The following IQCE variants were observed in gnomAD, a reference collection of about 807,000 sequenced individuals.
IQCE encodes IQ domain-containing protein E.
A neutral mutation model predicts 96.0 loss-of-function variants in IQCE; 115 were observed. The ratio of observed to expected loss-of-function variants is 1.20; its 90% CI spans 1.03 to 1.40. The LOEUF is 1.40. IQCE is among the 40% of genes most tolerant of loss of function. IQCE has a pLI of 0.00. For missense variants in IQCE, 1,041 were observed against 909.1 expected, an observed-to-expected ratio of 1.15 and a Z score of -1.87; for synonymous variants, 412 against 371.2, an observed-to-expected ratio of 1.11 and a Z score of -1.26.
At chr7:2,567,236 G>A (rs552945919) in intron 2 of IQCE, 73 bp downstream of exon 2, 28 of 1,158,676 alleles carry the variant, frequency 2.4e-5, no homozygotes, top group Admixed American at 8.8e-5. Flanking sequence ...ACTCGGAAGC[G>A]TAAAATAGGC....
At chr7:2,594,217 G>T (rs1052905724) in intron 15 of IQCE, among the ~76,000 whole-genome samples, 1 of 152,224 alleles carries the variant, frequency 6.6e-6, no homozygotes, top group South Asian at 2.1e-4. Flanking sequence ...CAGAGAGCAT[G>T]CCACTGTCCT....
At chr7:2,592,409 A>G (rs1783672185) in intron 14 of IQCE, among the ~76,000 whole-genome samples, 1 of 152,146 alleles carries the variant, frequency 6.6e-6, no homozygotes, top group Non-Finnish European at 1.5e-5. Flanking sequence ...GACAAGAGCC[A>G]CCTCTTAGGA....
At chr7:2,607,325 A>G (rs1177515159) in intron 21 of IQCE, 98 bp downstream of exon 21, 2 of 1,538,620 alleles carry the variant, frequency 1.3e-6, no homozygotes, top group African/African-American at 1.4e-5. Context: ...CTGTGTCGGG[A>G]CGGAAGGGAG....
intron 6 of IQCE, among the ~76,000 whole-genome samples, chr7:2,577,383 G>A (rs1185550105): frequency 2.3e-5 from 3 of 127,886 alleles, no homozygotes; most frequent in Non-Finnish European, 5.6e-5. Flanking sequence ...CGGCGTGCGC[G>A]CATTGGCGTG....
intron 3 of IQCE, among the ~76,000 whole-genome samples, chr7:2,571,137 C>A (rs1041441952): frequency 2.6e-5 from 4 of 152,084 alleles, no homozygotes; most frequent in African/African-American, 9.7e-5. Flanking sequence ...CCTGCCTCAG[C>A]CCCCTTGAGT....
intron 6 of IQCE, among the ~76,000 whole-genome samples, chr7:2,576,871 G>C (rs2128442485): frequency 6.6e-6 from 1 of 152,302 alleles, no homozygotes; most frequent in East Asian, 1.9e-4. Flanking sequence ...CGAACAAAAC[G>C]GACTTTCTTG....
chr7:2,605,768 C>T (rs1292610637), intron 19 of IQCE, 108 bp from the exon 20 acceptor site: 2 of 1,199,966 alleles, frequency 1.7e-6, no homozygotes, highest in Middle Eastern at 3.0e-4. Context: ...GAAAAGGAAA[C>T]TGAGCTCTTC....
chr7:2,610,128 C>T lies in IQCE; in HGVS notation c.2054C>T (p.Ala685Val). ...NSDDSDDIVI[A>V]PSLPTKNFPV ...GATGATTCCGACGATATTGTCATTG[C>T]ACCGTCTCTGCCCACGAAGAACTTT... The change falls in exon 22 of 22, where the codon GCA (alanine) becomes GTA (valine). Residue 685 changes from alanine (A) to valine (V), a missense_variant. Transcript: ENST00000402050. 1.2e-6 allele frequency: 2 copies of T among 1,612,362 alleles called. No homozygotes were observed. Among genetic ancestry groups the T allele is most frequent in the Non-Finnish European group, 1.7e-6 (2 of 1,178,360 alleles).
At chr7:2,589,841 C>A in intron 13 of IQCE, 66 bp from the exon 14 acceptor site, 1 of 1,518,148 alleles carries the variant, frequency 6.6e-7, no homozygotes, top group Non-Finnish European at 9.1e-7. Context: ...TGTCTCTTTT[C>A]TGGGTTTGGT....
chr7:2,593,415 C>G (rs974581335), intron 15 of IQCE, among the ~76,000 whole-genome samples: 2 of 152,266 alleles, frequency 1.3e-5, no homozygotes, highest in Non-Finnish European at 2.9e-5. Context: ...TGGTCAGAAC[C>G]ACCCAGGTGT....
Position 2,571,531 on chromosome 7 carries a change from C to T in IQCE, c.136C>T (p.Pro46Ser). 2.5e-6 allele frequency: 4 copies of T among 1,606,472 alleles called. No individual in the cohort carries two copies. Among genetic ancestry groups the T allele is most frequent in the East Asian group, 2.2e-5 (1 of 44,874 alleles). The part of the protein sequence containing the change: ...HKPPPTSPKS[P>S]YLSKPRKVAS... ...CCACGTGTTGGCTTTTCCAGAGTCA[C>T]CTTATCTCTCTAAGCCGAGAAAAGT... Residue 46 changes from proline to serine, a missense_variant, in exon 4 of 22, where the codon CCT becomes TCT. Transcript: ENST00000402050.
chr7:2,604,851 C>G, intron 18 of IQCE, 30 bp from the exon 19 acceptor site: 2 of 1,585,934 alleles, frequency 1.3e-6, no homozygotes, highest in Non-Finnish European at 1.7e-6. Flanking sequence ...CTCACACCCA[C>G]TTTTCTCTCC....
At position 2,614,249 on chromosome 7, in the gene IQCE, C is replaced by T. The variant is rs1023546008; in HGVS notation, c.*4087C>T. 6.6e-6 allele frequency: 1 copy of T among 152,248 alleles called. No homozygotes were observed. Among genetic ancestry groups the T allele is most frequent in the African/African-American group, 2.4e-5 (1 of 41,466 alleles). The allele number at this position is 152,248 out of a possible 1,614,324, so 9.4% of individuals were successfully genotyped here. ...ACCTGCAGAAAGCACCGATAACCTT[C>T]AAGATCTGAATGAGATTCTATTATA... On this transcript the variant is annotated 3_prime_UTR_variant, in exon 22 of 22. Transcript: ENST00000402050.
chr7:2,591,218 A>G (rs1332564067), intron 14 of IQCE, among the ~76,000 whole-genome samples: 4 of 152,018 alleles, frequency 2.6e-5, no homozygotes, highest in Non-Finnish European at 5.9e-5. Context: ...GTACCACTGC[A>G]TGCCAGCCTG....
chr7:2,592,957 C>T (rs1562661891), intron 14 of IQCE, 65 bp from the exon 15 acceptor site: 2 of 1,519,678 alleles, frequency 1.3e-6, no homozygotes, highest in East Asian at 4.6e-5. Flanking sequence ...TCTGAAGTGC[C>T]TTCCTGCTCT....
intron 21 of IQCE, chr7:2,607,647 G>A (rs1325980921): frequency 4.9e-6 from 4 of 816,900 alleles, no homozygotes; most frequent in South Asian, 5.4e-5. Context: ...CCTCATCCCT[G>A]CTCTGCCCGG....
At chr7:2,607,365 T>C in intron 21 of IQCE, 138 bp downstream of exon 21, 6 of 1,417,816 alleles carry the variant, frequency 4.2e-6, no homozygotes, top group Non-Finnish European at 5.5e-6. Context: ...GCCTCTGAAC[T>C]AAGCGTCGCC....
Position 2,612,651 on chromosome 7 carries a change from G to A in IQCE, c.*2489G>A, listed in dbSNP as rs943775584. ...TGTGAATGGGGCTAGCTATGGGTGG[G>A]GTGAGCTGTGGACAGGGCCTAGCCA... On this transcript the variant is annotated 3_prime_UTR_variant, in exon 22 of 22. Coordinates refer to ENST00000402050, the MANE Select transcript of IQCE (RefSeq NM_152558.5). The A allele has an allele frequency of 2.0e-5, 3 of 152,044 alleles. No individual in the cohort carries two copies. Among genetic ancestry groups the A allele is most frequent in the Non-Finnish European group, 4.4e-5 (3 of 68,204 alleles). 9.4% of individuals were successfully genotyped at this position (152,044 alleles called of 1,614,324 possible).
Position 2,610,117 on chromosome 7 carries a change from T to A in IQCE, c.2043T>A (p.Asp681Glu), listed in dbSNP as rs1785044422. ...ACGTCAACTCCGATGATTCCGACGA[T>A]ATTGTCATTGCACCGTCTCTGCCCA... The part of the protein sequence containing the change: ...GDDVNSDDSD[D>E]IVIAPSLPTK... The change falls in exon 22 of 22, where the codon GAT becomes GAA. Residue 681 changes from aspartate to glutamate, a missense_variant. Physicochemically the swap from Asp to Glu is conservative, Grantham distance 45. Transcript: ENST00000402050. The A allele has an allele frequency of 1.2e-6, 2 of 1,613,212 alleles. No homozygotes were observed. Among genetic ancestry groups the A allele is most frequent in the Non-Finnish European group, 1.7e-6 (2 of 1,179,278 alleles).
Sources: allele counts gnomAD v4.1 joint callset (sites outside exome capture counted in the v4.1 genomes callset), GRCh38; gene constraint gnomAD v4.1.1; transcripts MANE v1.5; gene names NCBI Gene and HGNC (gene_info 2026-07-23, HGNC 2026-07-21).